Variants in HERC3 observed in about 807,000 individuals in gnomAD.
HERC3 encodes the protein HECT and RLD domain containing E3 ubiquitin protein ligase 3, also known as probable E3 ubiquitin-protein ligase HERC3.
HERC3 carries 58 observed loss-of-function variants against 129.9 expected under a neutral mutation model. The observed-to-expected ratio is 0.45, with a 90% CI of 0.36 to 0.56. HERC3 has a LOEUF of 0.56. Ranked by LOEUF, HERC3 falls within the 20% of genes least tolerant of loss-of-function variation. The pLI is 0.00. For synonymous variants in HERC3, 430 were observed against 451.0 expected, an observed-to-expected ratio of 0.95 and a Z score of 0.59; for missense variants, 835 against 1,244.2, an observed-to-expected ratio of 0.67 and a Z score of 4.95.
In HERC3 at chr4:88,687,261, A is replaced by C; in HGVS notation, c.2619A>C (p.Ile873=). The change falls in exon 23 of 26, where the codon ATA becomes ATC. Residue 873 remains isoleucine (I), a synonymous_variant. Coordinates refer to ENST00000402738, the MANE Select transcript of HERC3 (RefSeq NM_014606.3). The part of the protein sequence containing the change: ...SYGVIEQKKL[I]PGGDNVTVCK... ...GAGTGATTGAACAGAAGAAGCTGAT[A>C]CCTGGGGGAGATAATGTAACTGTGT... 2 of 1,613,150 alleles carry C rather than the reference A, an allele frequency of 1.2e-6. No homozygotes were observed. The highest frequency in any genetic ancestry group is 1.7e-6 in the Non-Finnish European group (2 of 1,179,244).
chr4:88,545,430 C>CCTTTTTTTTTTTTTTTTTT, the HERC3 span, among the ~76,000 whole-genome samples: 184 of 110,376 alleles, frequency 1.7e-3, 11 homozygotes, highest in East Asian at 0.013. Flanking sequence ...TTTGAGAATT[C>CCTTTTTTTTTTTTTTTTTT]TTTTTTTTTT....
In HERC3 at chr4:88,618,410, G is replaced by C. The variant is rs185424031; in HGVS notation, c.226+12361G>C. On this transcript the variant is annotated intron_variant, in intron 3 of 25. Transcript: ENST00000402738. ...TTCTGGCTATTAGAGGCTTTCCACTGATCACAGAGGGTATAATTCAGATTG... is the reference window on the plus strand; with the variant it reads ...TTCTGGCTATTAGAGGCTTTCCACTCATCACAGAGGGTATAATTCAGATTG... Among the ~76,000 whole-genome samples the C allele has an allele frequency of 3.9e-5, 6 of 152,304 alleles. No individual in the cohort carries two copies. The East Asian group carries it at 1.2e-3, about 29-fold the overall frequency.
Position 88,655,182 on chromosome 4 carries a change from T to C in HERC3, c.786T>C (p.Gly262=). Residue 262 remains glycine (G), a synonymous_variant, in exon 8 of 26, where the codon GGT becomes GGC. Transcript: ENST00000402738. ...TGTTTGTTCCTTGTTAGAGTGGAGG[T>C]GTGTTTACCTTTGGCGCTGGTTCCT... The part of the protein sequence containing the change: ...EHTAVLTKSG[G]VFTFGAGSCG... 6.2e-7 allele frequency: 1 copy of C among 1,613,664 alleles called. No individual in the cohort carries two copies.
At chr4:88,681,521 C>T (rs1053169195) in intron 21 of HERC3, among the ~76,000 whole-genome samples, 196 bp downstream of exon 21, 1 of 152,114 alleles carries the variant, frequency 6.6e-6, no homozygotes, top group African/African-American at 2.4e-5. Context: ...GGTACAGTAT[C>T]GGTATCCGAG....
the HERC3 span, among the ~76,000 whole-genome samples, chr4:88,543,321 A>G: frequency 1.3e-5 from 2 of 152,162 alleles, no homozygotes; most frequent in Admixed American, 6.5e-5. Flanking sequence ...TCATGAGTGA[A>G]CTCACATTCA....
At chr4:88,565,624 C>T in the HERC3 span, among the ~76,000 whole-genome samples, 2 of 151,988 alleles carry the variant, frequency 1.3e-5, no homozygotes, top group Non-Finnish European at 2.9e-5. Flanking sequence ...TCTTTATAGG[C>T]AAAGTGTGTT....
At chr4:88,673,681 T>C (rs978421994) in intron 16 of HERC3, among the ~76,000 whole-genome samples, 9 of 152,214 alleles carry the variant, frequency 5.9e-5, no homozygotes, top group Non-Finnish European at 1.0e-4. Context: ...AGATTTATTT[T>C]GTATAATATG....
chr4:88,670,080 C>G, intron 15 of HERC3, 57 bp downstream of exon 15: 1 of 1,600,696 alleles, frequency 6.2e-7, no homozygotes, highest in Admixed American at 1.7e-5. Context: ...GTAAAATGTC[C>G]TAGTGAGATG....
At chr4:88,569,676 G>A in the HERC3 span, among the ~76,000 whole-genome samples, 1 of 152,204 alleles carries the variant, frequency 6.6e-6, no homozygotes, top group Non-Finnish European at 1.5e-5. Flanking sequence ...ACGTACCCAT[G>A]AAAGTCACTA....
At chr4:88,694,990 T>G (rs141140436) in intron 23 of HERC3, among the ~76,000 whole-genome samples, 248 of 152,306 alleles carry the variant, frequency 1.6e-3, no homozygotes, top group African/African-American at 5.7e-3. Flanking sequence ...AAAAAACATT[T>G]CCCAATACTT....
rs994122076 is a variant in HERC3, at chr4:88,707,847, C to A, written c.*887C>A. ...AATAATAAATTTACTTTCCCTTTTT[C>A]TATCACCTTATGTCCTCTACCATTT... On this transcript the variant is annotated 3_prime_UTR_variant, in exon 26 of 26. Transcript: ENST00000402738. 2.0e-5 allele frequency: 3 copies of A among 152,502 alleles called. No individual in the cohort carries two copies. The highest frequency in any genetic ancestry group is 7.2e-5 in the African/African-American group (3 of 41,424). The allele number at this position is 152,502 out of a possible 1,614,324, so 9.4% of individuals were successfully genotyped here.
At chr4:88,624,992 A>G (rs1028901398) in intron 3 of HERC3, among the ~76,000 whole-genome samples, 2 of 152,176 alleles carry the variant, frequency 1.3e-5, no homozygotes, top group African/African-American at 4.8e-5. Context: ...CCTGGAACCT[A>G]TGGAAGACAG....
chr4:88,563,973 G>A, the HERC3 span, among the ~76,000 whole-genome samples: 1 of 151,982 alleles, frequency 6.6e-6, no homozygotes, highest in South Asian at 2.1e-4. Flanking sequence ...TTTATATCCA[G>A]TTTTTTTGAG....
chr4:88,544,689 A>T, the HERC3 span, among the ~76,000 whole-genome samples: 2 of 152,218 alleles, frequency 1.3e-5, no homozygotes, highest in Non-Finnish European at 2.9e-5. Context: ...TCAATGATAG[A>T]CTGGATTAAG....
chr4:88,688,432 C>T (rs1733710087), intron 23 of HERC3, among the ~76,000 whole-genome samples: 1 of 152,014 alleles, frequency 6.6e-6, no homozygotes, highest in Non-Finnish European at 1.5e-5. Context: ...TTTGAGGTAG[C>T]TCAGGTAAAG....
At chr4:88,540,804 A>C in the HERC3 span, among the ~76,000 whole-genome samples, 1 of 151,876 alleles carries the variant, frequency 6.6e-6, no homozygotes, top group African/African-American at 2.4e-5. Flanking sequence ...CATTCTTAAA[A>C]AAATTTTCAA....
At chr4:88,639,605 T>G (rs945261802) in intron 3 of HERC3, among the ~76,000 whole-genome samples, 1 of 152,158 alleles carries the variant, frequency 6.6e-6, no homozygotes, top group African/African-American at 2.4e-5. Flanking sequence ...ATTAAAGACT[T>G]AAATGTAAAA....
chr4:88,619,703 C>A (rs76673660), intron 3 of HERC3, among the ~76,000 whole-genome samples: 1 of 152,078 alleles, frequency 6.6e-6, no homozygotes, highest in Non-Finnish European at 1.5e-5. Flanking sequence ...AACTGCCAGA[C>A]GTTGCCAGAC....
At chr4:88,656,261 A>C (rs767272152) in intron 9 of HERC3, 2 of 540,216 alleles carry the variant, frequency 3.7e-6, no homozygotes, top group Non-Finnish European at 6.6e-6. Context: ...CCGTTCTTGC[A>C]TTGCTGTAAA....
Sources: allele counts gnomAD v4.1 joint callset (sites outside exome capture counted in the v4.1 genomes callset), GRCh38; gene constraint gnomAD v4.1.1; transcripts MANE v1.5; gene names NCBI Gene and HGNC (gene_info 2026-07-23, HGNC 2026-07-21).